The following LRRC7 variants were observed in gnomAD, a reference collection of about 807,000 sequenced individuals.
LRRC7 encodes the protein leucine-rich repeat-containing protein 7.
A neutral mutation model predicts 175.7 loss-of-function variants in LRRC7; 23 were observed. The observed-to-expected ratio is 0.13, with a 90% CI of 0.09 to 0.19. LRRC7 has a LOEUF of 0.19. LRRC7 is among the 10% of genes least tolerant of loss of function. The pLI is 1.00. For synonymous variants in LRRC7, 685 were observed against 680.9 expected, an observed-to-expected ratio of 1.01 and a Z score of -0.09; for missense variants, 1,354 against 1,904.7, an observed-to-expected ratio of 0.71 and a Z score of 5.38.
At chr1:69,960,059 G>A (rs1650891405) in intron 8 of LRRC7, among the ~76,000 whole-genome samples, 1 of 152,094 alleles carries the variant, frequency 6.6e-6, no homozygotes, top group South Asian at 2.1e-4. Flanking sequence ...TGGTAGAAAT[G>A]ATGCCAGCTC....
At chr1:69,908,403 G>A (rs1440246676) in intron 7 of LRRC7, among the ~76,000 whole-genome samples, 1 of 151,766 alleles carries the variant, frequency 6.6e-6, no homozygotes, top group African/African-American at 2.4e-5. Flanking sequence ...GGCATTTAGT[G>A]CTATAAATTT....
intron 7 of LRRC7, among the ~76,000 whole-genome samples, chr1:69,918,409 T>C (rs541188159): frequency 6.6e-6 from 1 of 152,362 alleles, no homozygotes; most frequent in Non-Finnish European, 1.5e-5. Context: ...ATTTTATTTT[T>C]CTGAGAAAAT....
At chr1:69,804,594 G>C (rs1286702231) in intron 4 of LRRC7, among the ~76,000 whole-genome samples, 2 of 151,542 alleles carry the variant, frequency 1.3e-5, no homozygotes, top group African/African-American at 4.8e-5. Context: ...CAGCTATCTA[G>C]AGGAAATATA....
chr1:70,030,875 C>T (rs1207880583), intron 18 of LRRC7, among the ~76,000 whole-genome samples: 1 of 152,160 alleles, frequency 6.6e-6, no homozygotes, highest in Non-Finnish European at 1.5e-5. Flanking sequence ...ATACATTATG[C>T]CAGACAAAGA....
intron 4 of LRRC7, among the ~76,000 whole-genome samples, chr1:69,815,586 CA>C (rs1346435004): frequency 6.6e-6 from 1 of 152,140 alleles, no homozygotes; most frequent in African/African-American, 2.4e-5. Context: ...GGCTTGACAC[CA>C]AAAAGCTCTT....
At chr1:69,856,071 C>T (rs541627602) in intron 7 of LRRC7, among the ~76,000 whole-genome samples, 17 of 152,236 alleles carry the variant, frequency 1.1e-4, no homozygotes, top group African/African-American at 3.9e-4. Flanking sequence ...GGTCTTGACT[C>T]TTTATCCAAT....
At chr1:70,070,980 T>C (rs902917196) in intron 23 of LRRC7, among the ~76,000 whole-genome samples, 12 of 152,174 alleles carry the variant, frequency 7.9e-5, no homozygotes, top group African/African-American at 2.9e-4. Context: ...CTAACACCAC[T>C]CTAGCAGAAG....
At chr1:69,666,013 T>G (rs1658216908) in intron 1 of LRRC7, among the ~76,000 whole-genome samples, 1 of 152,128 alleles carries the variant, frequency 6.6e-6, no homozygotes, top group Non-Finnish European at 1.5e-5. Flanking sequence ...CCTCAGGTTT[T>G]TGAAGGTTTT....
At chr1:69,623,614 G>C (rs1016465181) in intron 1 of LRRC7, among the ~76,000 whole-genome samples, 2 of 147,456 alleles carry the variant, frequency 1.4e-5, no homozygotes, top group African/African-American at 5.0e-5. Context: ...GCAATGGTAC[G>C]ATCTCGGCTC....
At chr1:69,747,784 C>CAT in intron 2 of LRRC7, among the ~76,000 whole-genome samples, 1 of 151,882 alleles carries the variant, frequency 6.6e-6, no homozygotes, top group African/African-American at 2.4e-5. Context: ...GATCCCATAT[C>CAT]ATAGACTAAC....
chr1:70,067,740 A>T (rs1433940125), intron 23 of LRRC7, among the ~76,000 whole-genome samples: 1 of 152,118 alleles, frequency 6.6e-6, no homozygotes, highest in African/African-American at 2.4e-5. Flanking sequence ...CTTTCATTCC[A>T]TAAGTATAGT....
chr1:69,809,604 G>A (rs545338023), intron 4 of LRRC7, among the ~76,000 whole-genome samples: 1 of 152,280 alleles, frequency 6.6e-6, no homozygotes, highest in East Asian at 1.9e-4. Flanking sequence ...TCCCTGAGAT[G>A]CAAGGCTGGT....
chr1:69,858,389 T>A (rs1229356550), intron 7 of LRRC7, among the ~76,000 whole-genome samples: 6 of 152,094 alleles, frequency 3.9e-5, no homozygotes, highest in African/African-American at 1.4e-4. Flanking sequence ...ATCCAGAATC[T>A]ACGAAGAACT....
At position 69,853,114 on chromosome 1, in the gene LRRC7, GA is replaced by G. The variant is rs1239969161; in HGVS notation, c.647+14838del. 3.3e-5 allele frequency among the ~76,000 whole-genome samples: 5 copies of G among 151,848 alleles called. No individual in the cohort carries two copies. The East Asian group carries it at 9.7e-4, about 29-fold the overall frequency. On this transcript the variant is annotated intron_variant, in intron 7 of 26. Coordinates refer to ENST00000651989, the MANE Select transcript of LRRC7 (RefSeq NM_001370785.2). ...CCTCCTTATAAAGCTGATATTGTGA[GA>G]AAAAAACTAATAAATTATAAATACT... is the stretch of plus-strand genomic sequence containing the variant.
At chr1:69,576,233 A>AT (rs1645943192) in intron 1 of LRRC7, among the ~76,000 whole-genome samples, 1 of 138,318 alleles carries the variant, frequency 7.2e-6, no homozygotes. Context: ...CTCTGAAAAA[A>AT]AAAAAAGTTA....
intron 21 of LRRC7, among the ~76,000 whole-genome samples, chr1:70,042,343 T>C (rs1026592193): frequency 1.8e-4 from 28 of 152,204 alleles, no homozygotes; most frequent in Admixed American, 1.8e-3. Context: ...AGAGAAATAA[T>C]GTGCTTCTTT....
chr1:70,072,073 T>G (rs1029511203), intron 23 of LRRC7, among the ~76,000 whole-genome samples: 7 of 152,302 alleles, frequency 4.6e-5, no homozygotes, highest in Non-Finnish European at 1.0e-4. Flanking sequence ...ATTAGAGTTT[T>G]CCCTGTAAAC....
chr1:69,949,199 G>A (rs1474524793), intron 8 of LRRC7, among the ~76,000 whole-genome samples: 1 of 151,818 alleles, frequency 6.6e-6, no homozygotes, highest in East Asian at 1.9e-4. Flanking sequence ...CCCCCCAGAG[G>A]TAGGCACAGT....
At chr1:69,855,245 T>C (rs547331168) in intron 7 of LRRC7, among the ~76,000 whole-genome samples, 1 of 152,322 alleles carries the variant, frequency 6.6e-6, no homozygotes, top group East Asian at 1.9e-4. Flanking sequence ...TCTTTCCTGC[T>C]TTGTCTTGTG....
Sources: gnomAD v4.1 joint callset for allele counts (sites outside exome capture counted in the v4.1 genomes callset) on GRCh38, gnomAD v4.1.1 for gene constraint, MANE v1.5 for transcripts, NCBI Gene and HGNC (gene_info 2026-07-23, HGNC 2026-07-21) for gene names.